The following DLG2 variants were observed in gnomAD, a reference collection of about 807,000 sequenced individuals.
DLG2 encodes disks large homolog 2.
Under a neutral mutation model 132.5 loss-of-function variants are expected in DLG2, and 45 were observed. The ratio of observed to expected loss-of-function variants is 0.34; its 90% CI spans 0.27 to 0.44. The LOEUF (loss-of-function observed/expected upper bound fraction) is 0.44. Among genes scored for constraint, DLG2 ranks in the 20% least tolerant of loss-of-function variants. DLG2 has a pLI of 1.00. For missense variants in DLG2, 1,045 were observed against 1,196.9 expected (o/e 0.87, Z 1.87); for synonymous variants, 424 against 419.6 (o/e 1.01, Z -0.13).
intron 5 of DLG2, among the ~76,000 whole-genome samples, chr11:85,147,387 G>A (rs1274408426): frequency 2.0e-5 from 3 of 152,114 alleles, no homozygotes; most frequent in Non-Finnish European, 4.4e-5. Flanking sequence ...TTTCCCTGAT[G>A]ATTGATAATG....
At chr11:85,152,537 G>A (rs1333568854) in intron 5 of DLG2, among the ~76,000 whole-genome samples, 1 of 151,746 alleles carries the variant, frequency 6.6e-6, no homozygotes, top group Admixed American at 6.6e-5. Flanking sequence ...CAAAGTGCTG[G>A]GATCACCACC....
At chr11:84,997,905 A>G (rs377588165) in intron 6 of DLG2, 2 of 152,190 alleles carry the variant, frequency 1.3e-5, no homozygotes, top group South Asian at 4.1e-4. Flanking sequence ...TTATCAGAAA[A>G]CAGGCAATCA....
At chr11:85,567,347 A>G (rs1013313866) in intron 3 of DLG2, among the ~76,000 whole-genome samples, 2 of 152,148 alleles carry the variant, frequency 1.3e-5, no homozygotes, top group African/African-American at 4.8e-5. Context: ...TATTTGAGCA[A>G]TGTTTTAGAG....
Position 83,456,876 on chromosome 11 carries a change from G to C in DLG2, c.*2942C>G, listed in dbSNP as rs1308397794. The C allele has an allele frequency of 6.6e-6, 1 of 152,346 alleles. No individual in the cohort carries two copies. The highest frequency in any genetic ancestry group is 1.5e-5 in the Non-Finnish European group (1 of 68,030). The allele number at this position is 152,346 out of a possible 1,614,324, so 9.4% of individuals were successfully genotyped here. Reference sequence around the variant, plus strand: ...CAGACAGAGCCAACCCAAGAATTTGGGGCTGGGAAAAAAGGCCTGCAAATA... The same window carrying C: ...CAGACAGAGCCAACCCAAGAATTTGCGGCTGGGAAAAAAGGCCTGCAAATA... On this transcript the variant is annotated 3_prime_UTR_variant, in exon 28 of 28. Transcript: ENST00000376104.
chr11:85,042,351 A>T (rs1273830423), intron 6 of DLG2, among the ~76,000 whole-genome samples: 1 of 152,026 alleles, frequency 6.6e-6, no homozygotes, highest in Non-Finnish European at 1.5e-5. Flanking sequence ...TTGTTGTTTT[A>T]AAAGTTGCTA....
chr11:85,058,614 C>T (rs1212744747), intron 6 of DLG2, among the ~76,000 whole-genome samples: 4 of 151,410 alleles, frequency 2.6e-5, no homozygotes, highest in African/African-American at 4.8e-5. Context: ...AATTGTAGGA[C>T]TTACACTACC....
chr11:83,844,569 A>AAAAAG (rs2058266026), intron 16 of DLG2, among the ~76,000 whole-genome samples: 1 of 151,024 alleles, frequency 6.6e-6, no homozygotes. Flanking sequence ...AAAAAAAAAA[A>AAAAAG]AGGGCCTGGG....
chr11:85,067,739 G>A (rs1017743055), intron 6 of DLG2, among the ~76,000 whole-genome samples: 3 of 151,462 alleles, frequency 2.0e-5, no homozygotes, highest in Admixed American at 6.6e-5. Flanking sequence ...AGGAGGAGGA[G>A]TTTTCCTACT....
chr11:84,362,948 T>G (rs1189769311), intron 7 of DLG2, among the ~76,000 whole-genome samples: 3 of 152,040 alleles, frequency 2.0e-5, no homozygotes, highest in Non-Finnish European at 2.9e-5. Context: ...TTTGCTATTG[T>G]GAATAGTGCT....
chr11:83,723,570 G>A (rs892297689), intron 18 of DLG2, among the ~76,000 whole-genome samples: 8 of 151,888 alleles, frequency 5.3e-5, no homozygotes, highest in African/African-American at 1.9e-4. Context: ...CATTATCTTG[G>A]GGGGCCAGAA....
At chr11:84,227,506 T>C (rs2097019058) in intron 8 of DLG2, among the ~76,000 whole-genome samples, 1 of 152,208 alleles carries the variant, frequency 6.6e-6, no homozygotes, top group African/African-American at 2.4e-5. Context: ...TCTGTAAGAA[T>C]ATAGTTATTT....
intron 6 of DLG2, among the ~76,000 whole-genome samples, chr11:85,088,659 C>G (rs1177599822): frequency 6.6e-6 from 1 of 152,104 alleles, no homozygotes; most frequent in African/African-American, 2.4e-5. Context: ...TTATATTAAA[C>G]AAGAAATTTT....
At chr11:85,222,058 C>T (rs2074682081) in intron 4 of DLG2, among the ~76,000 whole-genome samples, 1 of 152,138 alleles carries the variant, frequency 6.6e-6, no homozygotes, top group Admixed American at 6.5e-5. Context: ...CCACCTCAGC[C>T]TCCCCAAGTA....
chr11:84,251,839 C>T (rs1026696281), intron 7 of DLG2, among the ~76,000 whole-genome samples: 5 of 151,712 alleles, frequency 3.3e-5, no homozygotes, highest in Admixed American at 2.6e-4. Context: ...CGGGGTTTCC[C>T]ACATTGGCCA....
At chr11:84,700,949 A>G (rs1770304027) in intron 6 of DLG2, among the ~76,000 whole-genome samples, 1 of 151,490 alleles carries the variant, frequency 6.6e-6, no homozygotes, top group Non-Finnish European at 1.5e-5. Flanking sequence ...AGACATATGT[A>G]CCGGTCCTTG....
chr11:84,761,055 T>C lies in DLG2; in HGVS notation c.358-226324A>G, dbSNP rs143446247. ...TACAGAAAGCTGTCACATGGCCCTCTGCCCTTGTGAAAAAGCAGAGGGTCC... is the reference window on the plus strand; with the variant it reads ...TACAGAAAGCTGTCACATGGCCCTCCGCCCTTGTGAAAAAGCAGAGGGTCC... On this transcript the variant is annotated intron_variant, in intron 6 of 27. Transcript: ENST00000376104. 6.4e-3 allele frequency among the ~76,000 whole-genome samples: 981 copies of C among 152,318 alleles called. 11 individuals are homozygous for C. Among genetic ancestry groups the C allele is most frequent in the African/African-American group, 0.023 (952 of 41,580 alleles).
chr11:85,091,057 A>T (rs567594), intron 6 of DLG2, among the ~76,000 whole-genome samples: 107,673 of 152,000 alleles, frequency 0.71, 39,238 homozygotes, highest in East Asian at 0.95. Context: ...CTCATTACAG[A>T]GAGGACTATG....
chr11:83,808,813 A>G (rs573613097), intron 17 of DLG2, among the ~76,000 whole-genome samples: 1 of 151,832 alleles, frequency 6.6e-6, no homozygotes, highest in South Asian at 2.1e-4. Flanking sequence ...TGGTCCCTTG[A>G]TTCTCATTTT....
chr11:84,932,676 T>C (rs1461743026), intron 6 of DLG2, among the ~76,000 whole-genome samples: 2 of 152,176 alleles, frequency 1.3e-5, no homozygotes, highest in Admixed American at 6.5e-5. Flanking sequence ...CACATCCCTG[T>C]GAAACACATG....
Sources: allele counts gnomAD v4.1 joint callset (sites outside exome capture counted in the v4.1 genomes callset), GRCh38; gene constraint gnomAD v4.1.1; transcripts MANE v1.5; gene names NCBI Gene and HGNC (gene_info 2026-07-23, HGNC 2026-07-21).